FAAH2: variants seen among roughly 807,000 people sequenced by gnomAD.
FAAH2 encodes fatty-acid amide hydrolase 2.
A neutral mutation model predicts 36.9 loss-of-function variants in FAAH2; 60 were observed. The observed-to-expected ratio is 1.63, with a 90% CI of 1.32 to 2.02. FAAH2 has a LOEUF of 2.02. Among genes scored for constraint, FAAH2 ranks in the 30% most tolerant of loss-of-function variants. The probability of loss-of-function intolerance (pLI) is 0.00; values close to 1 mark genes in which losing one functional copy is unlikely to be tolerated. For missense variants in FAAH2, 689 were observed against 397.5 expected, an observed-to-expected ratio of 1.73 and a Z score of -6.23; for synonymous variants, 214 against 143.8, an observed-to-expected ratio of 1.49 and a Z score of -3.49.
chrX:57,199,170 T>G, the FAAH2 span, among the ~76,000 whole-genome samples: 1 of 111,741 alleles, frequency 8.9e-6, no homozygotes, highest in African/African-American at 3.3e-5. Flanking sequence ...TCTTTTGTAC[T>G]TCTTTACAAT....
At chrX:57,200,273 G>A in the FAAH2 span, among the ~76,000 whole-genome samples, 1 of 108,997 alleles carries the variant, frequency 9.2e-6, no homozygotes, top group Non-Finnish European at 1.9e-5. Flanking sequence ...GATTACAATA[G>A]GCTTGCAAAT....
At chrX:57,316,795 C>CT (rs1453417809) in intron 3 of FAAH2, among the ~76,000 whole-genome samples, 1 of 110,696 alleles carries the variant, frequency 9.0e-6, no homozygotes, top group Non-Finnish European at 1.9e-5. Flanking sequence ...AAGAAATACC[C>CT]TTCTCTATAT....
At chrX:57,481,020 C>T (rs1032267612) in intron 10 of FAAH2, among the ~76,000 whole-genome samples, 12 of 108,952 alleles carry the variant, frequency 1.1e-4, no homozygotes, top group Non-Finnish European at 2.1e-4. Context: ...TCCTTTCTTC[C>T]ACTTGATCTA....
At chrX:57,366,560 C>T (rs977773066) in intron 5 of FAAH2, among the ~76,000 whole-genome samples, 1 of 112,328 alleles carries the variant, frequency 8.9e-6, no homozygotes, top group African/African-American at 3.2e-5. Flanking sequence ...CTCATGCCTG[C>T]AGGGTGGTGT....
At chrX:57,318,564 G>A (rs1049541182) in intron 3 of FAAH2, among the ~76,000 whole-genome samples, 4 of 111,616 alleles carry the variant, frequency 3.6e-5, no homozygotes, top group Non-Finnish European at 7.5e-5. Flanking sequence ...AGAACTAGAT[G>A]GATTCACAGC....
the FAAH2 span, among the ~76,000 whole-genome samples, chrX:57,218,963 G>A: frequency 3.6e-5 from 4 of 111,705 alleles, no homozygotes; most frequent in African/African-American, 1.3e-4. Flanking sequence ...AGCTTAAGGA[G>A]ATATATAACT....
chrX:57,435,930 G>A (rs764165631), intron 8 of FAAH2, among the ~76,000 whole-genome samples: 1 of 111,198 alleles, frequency 9.0e-6, no homozygotes, highest in East Asian at 2.8e-4. Context: ...CTCCAAGATA[G>A]ACCATGTATG....
intron 5 of FAAH2, among the ~76,000 whole-genome samples, chrX:57,347,112 C>T (rs1391257300): frequency 9.0e-6 from 1 of 111,263 alleles, no homozygotes; most frequent in Non-Finnish European, 1.9e-5. Flanking sequence ...TCACACTCTC[C>T]AATAAGATTA....
the FAAH2 span, among the ~76,000 whole-genome samples, chrX:57,246,428 A>G: frequency 8.9e-6 from 1 of 111,905 alleles, no homozygotes; most frequent in Non-Finnish European, 1.9e-5. Context: ...ACCAAAAAAG[A>G]AATTTCAGGC....
At chrX:57,148,174 A>G in the FAAH2 span, among the ~76,000 whole-genome samples, 279 of 109,737 alleles carry the variant, frequency 2.5e-3, 1 homozygote, top group Non-Finnish European at 4.3e-3. Flanking sequence ...GCCTTGTAGT[A>G]TAGTTTGAAG....
At chrX:57,124,819 G>A in the FAAH2 span, among the ~76,000 whole-genome samples, 1 of 111,995 alleles carries the variant, frequency 8.9e-6, no homozygotes, top group Non-Finnish European at 1.9e-5. Context: ...TGTTATTGAT[G>A]TATAAGAATG....
the FAAH2 span, among the ~76,000 whole-genome samples, chrX:57,218,975 C>G: frequency 1.8e-5 from 2 of 111,908 alleles, no homozygotes; most frequent in African/African-American, 6.5e-5. Context: ...TATATAACTC[C>G]TCGCTTCTCA....
chrX:57,279,025 C>T, the FAAH2 span, among the ~76,000 whole-genome samples: 20 of 112,071 alleles, frequency 1.8e-4, no homozygotes, highest in Admixed American at 1.4e-3. Context: ...TTAGTTCAAC[C>T]ATTGTGGAAG....
chrX:57,429,790 A>G (rs1601318), intron 7 of FAAH2, among the ~76,000 whole-genome samples: 60,434 of 110,531 alleles, frequency 0.55, 14,406 homozygotes, highest in Non-Finnish European at 0.75. Flanking sequence ...CTGTCAATCA[A>G]TGGATTATCG....
chrX:57,358,902 G>A (rs1314009636), intron 5 of FAAH2, among the ~76,000 whole-genome samples: 1 of 110,550 alleles, frequency 9.0e-6, no homozygotes, highest in Non-Finnish European at 1.9e-5. Flanking sequence ...TTTTATTTTT[G>A]TGGGTACATA....
At chrX:57,264,893 G>T in the FAAH2 span, among the ~76,000 whole-genome samples, 1 of 111,848 alleles carries the variant, frequency 8.9e-6, no homozygotes, top group Admixed American at 9.5e-5. Context: ...GAACCAAAGG[G>T]GCAGGTAAAT....
intron 7 of FAAH2, among the ~76,000 whole-genome samples, chrX:57,424,878 C>T (rs960631263): frequency 9.0e-6 from 1 of 111,104 alleles, no homozygotes; most frequent in Admixed American, 9.6e-5. Flanking sequence ...GCAATGGATC[C>T]TAATCAAAAT....
chrX:57,305,381 C>T (rs774460700), intron 2 of FAAH2, among the ~76,000 whole-genome samples: 2 of 111,327 alleles, frequency 1.8e-5, no homozygotes, highest in African/African-American at 6.5e-5. Context: ...CCCCCACATT[C>T]TAACCTTCTA....
the FAAH2 span, among the ~76,000 whole-genome samples, chrX:57,168,089 T>C: frequency 8.9e-6 from 1 of 112,030 alleles, no homozygotes; most frequent in Non-Finnish European, 1.9e-5. Flanking sequence ...TTTTTTAATA[T>C]TTGCAAATGC....
Sources: allele counts gnomAD v4.1 joint callset (sites outside exome capture counted in the v4.1 genomes callset), GRCh38; gene constraint gnomAD v4.1.1; transcripts MANE v1.5; gene names NCBI Gene and HGNC (gene_info 2026-07-23, HGNC 2026-07-21).